The following ARHGAP22 variants were observed in gnomAD, a reference collection of about 807,000 sequenced individuals.
ARHGAP22 encodes the protein Rho GTPase activating protein 22.
ARHGAP22 carries 48 observed loss-of-function variants against 59.1 expected under a neutral mutation model. The observed-to-expected ratio is 0.81, with a 90% CI of 0.64 to 1.03. ARHGAP22 has a LOEUF of 1.03. ARHGAP22 is among the 50% of genes least tolerant of loss of function. ARHGAP22 has a pLI of 0.00. For missense variants in ARHGAP22, 1,015 were observed against 958.7 expected (o/e 1.06, Z -0.78); for synonymous variants, 445 against 416.4 (o/e 1.07, Z -0.84).
intron 1 of ARHGAP22, among the ~76,000 whole-genome samples, chr10:48,619,647 G>A (rs535768865): frequency 6.6e-5 from 10 of 152,098 alleles, no homozygotes; most frequent in Non-Finnish European, 1.5e-4. Context: ...TGTGATCTAT[G>A]TGCAGATAAA....
intron 3 of ARHGAP22, among the ~76,000 whole-genome samples, chr10:48,497,100 T>C (rs1193286755): frequency 6.6e-6 from 1 of 152,064 alleles, no homozygotes; most frequent in Admixed American, 6.5e-5. Context: ...TCCTAGGGGT[T>C]TGACACCTCC....
intron 1 of ARHGAP22, among the ~76,000 whole-genome samples, chr10:48,645,127 C>T (rs2062236566): frequency 6.6e-6 from 1 of 152,044 alleles, no homozygotes; most frequent in Non-Finnish European, 1.5e-5. Context: ...TATGAACAAC[C>T]TTACGCCAAC....
At chr10:48,557,024 T>G (rs58618545) in intron 2 of ARHGAP22, among the ~76,000 whole-genome samples, 2,105 of 152,326 alleles carry the variant, frequency 0.014, 41 homozygotes, top group African/African-American at 0.048. Context: ...GCAACGTTAA[T>G]GTGGAAAGGC....
intron 3 of ARHGAP22, among the ~76,000 whole-genome samples, chr10:48,509,528 G>A (rs2052531256): frequency 6.6e-6 from 1 of 152,234 alleles, no homozygotes; most frequent in Non-Finnish European, 1.5e-5. Context: ...GAATGCTCAA[G>A]TCGAAGGCGG....
intron 4 of ARHGAP22, among the ~76,000 whole-genome samples, chr10:48,470,315 C>T (rs942828633): frequency 8.5e-5 from 13 of 152,204 alleles, no homozygotes; most frequent in Non-Finnish European, 1.8e-4. Flanking sequence ...TAAATCATCC[C>T]GACTAGCTTA....
chr10:48,573,012 A>T (rs1052098133), intron 2 of ARHGAP22, among the ~76,000 whole-genome samples: 1 of 152,196 alleles, frequency 6.6e-6, no homozygotes, highest in Admixed American at 6.5e-5. Context: ...TTGCTGTGGG[A>T]ATTAAAGCAA....
chr10:48,435,324 G>A, the ARHGAP22 span: 2 of 266,056 alleles, frequency 7.5e-6, no homozygotes, highest in African/African-American at 4.4e-5. Context: ...TTTATCTTAT[G>A]CTGCTGATTT....
At chr10:48,435,239 A>G in the ARHGAP22 span, 88 of 439,584 alleles carry the variant, frequency 2.0e-4, no homozygotes, top group African/African-American at 1.7e-3. Context: ...ACTGTATTGT[A>G]TTTTTTTTGC....
At chr10:48,624,476 C>G (rs1414324768) in intron 1 of ARHGAP22, 1 of 152,160 alleles carries the variant, frequency 6.6e-6, no homozygotes, top group Non-Finnish European at 1.5e-5. Context: ...GAGAGAGAAC[C>G]TGTTCAGGTC....
rs1051508 is a variant in ARHGAP22, at chr10:48,446,299, C to T, written c.*92G>A. 0.55 allele frequency: 761,669 copies of T among 1,391,808 alleles called. 211,259 individuals carry two copies. Among genetic ancestry groups the T allele is most frequent in the East Asian group, 0.65 (28,236 of 43,618 alleles). 86.2% of individuals were successfully genotyped at this position (1,391,808 alleles called of 1,614,324 possible). A position where few individuals can be genotyped will look rare whatever the true frequency, so the allele number is the denominator to read the frequency against. On this transcript the variant is annotated 3_prime_UTR_variant, in exon 10 of 10. Coordinates refer to ENST00000249601, the MANE Select transcript of ARHGAP22 (RefSeq NM_021226.4). ...TCTCTCTCTCCAGCTGGCTCCAGAG[C>T]GCCTGGCTGCTCCAGAGATACAGAC... is the stretch of plus-strand genomic sequence containing the variant.
At chr10:48,565,376 C>T (rs1010608401) in intron 2 of ARHGAP22, among the ~76,000 whole-genome samples, 5 of 152,170 alleles carry the variant, frequency 3.3e-5, no homozygotes, top group African/African-American at 1.2e-4. Flanking sequence ...TGTGTGAGCT[C>T]ATGACTGGGG....
intron 3 of ARHGAP22, among the ~76,000 whole-genome samples, chr10:48,535,684 C>T (rs1434445972): frequency 6.6e-6 from 1 of 152,246 alleles, no homozygotes; most frequent in South Asian, 2.1e-4. Context: ...GAACTTTTGG[C>T]ACCCAAGCTG....
chr10:48,444,943 A>AGAC (rs2045290225), downstream of ARHGAP22: 1 of 152,244 alleles, frequency 6.6e-6, no homozygotes, highest in Admixed American at 6.5e-5. Flanking sequence ...GGCCGAGCAA[A>AGAC]GACAGACGCC....
chr10:48,620,423 T>C (rs1382364433), intron 1 of ARHGAP22, among the ~76,000 whole-genome samples: 2 of 152,080 alleles, frequency 1.3e-5, no homozygotes, highest in Non-Finnish European at 2.9e-5. Flanking sequence ...AGATCAAGAG[T>C]GACGGAGCCA....
intron 3 of ARHGAP22, among the ~76,000 whole-genome samples, chr10:48,517,298 G>A (rs1161694092): frequency 6.6e-6 from 1 of 152,136 alleles, no homozygotes; most frequent in Non-Finnish European, 1.5e-5. Context: ...CCAGTGATAG[G>A]ATGTTTAGAA....
intron 6 of ARHGAP22, among the ~76,000 whole-genome samples, chr10:48,454,621 G>A (rs1327215589): frequency 6.6e-6 from 1 of 152,222 alleles, no homozygotes; most frequent in Non-Finnish European, 1.5e-5. Flanking sequence ...AAGGAAGCAA[G>A]ATATAAATAA....
At chr10:48,438,299 C>T in the ARHGAP22 span, 17 of 152,170 alleles carry the variant, frequency 1.1e-4, no homozygotes, top group African/African-American at 4.1e-4. Flanking sequence ...TGTGTTTCTA[C>T]TGATCTCTCT....
chr10:48,524,379 C>G (rs1347521046), intron 3 of ARHGAP22: 1 of 153,150 alleles, frequency 6.5e-6, no homozygotes, highest in East Asian at 1.9e-4. Context: ...CGGGGCGGCC[C>G]CGCGCTGCTC....
downstream of ARHGAP22, among the ~76,000 whole-genome samples, chr10:48,442,536 T>G (rs982273082): frequency 3.3e-5 from 5 of 152,154 alleles, no homozygotes; most frequent in South Asian, 2.1e-4. Context: ...TTCTAGAACC[T>G]GAAGCCCACC....
Sources: allele counts gnomAD v4.1 joint callset (sites outside exome capture counted in the v4.1 genomes callset), GRCh38; gene constraint gnomAD v4.1.1; transcripts MANE v1.5; gene names NCBI Gene and HGNC (gene_info 2026-07-23, HGNC 2026-07-21).